The following PDE4B variants were observed in gnomAD, a reference collection of about 807,000 sequenced individuals.
PDE4B encodes the protein 3',5'-cyclic-AMP phosphodiesterase 4B.
In PDE4B, 20 loss-of-function variants were observed where a neutral mutation model predicts 82.2. The ratio of observed to expected loss-of-function variants is 0.24; its 90% CI spans 0.17 to 0.35. PDE4B has a LOEUF of 0.35. Among genes scored for constraint, PDE4B ranks in the 10% least tolerant of loss-of-function variants. The pLI is 1.00. For synonymous variants in PDE4B, 320 were observed against 318.9 expected (o/e 1.00, Z -0.04); for missense variants, 655 against 907.2 (o/e 0.72, Z 3.57).
At chr1:66,275,547 A>C (rs1201440121) in intron 7 of PDE4B, among the ~76,000 whole-genome samples, 2 of 152,196 alleles carry the variant, frequency 1.3e-5, no homozygotes, top group Non-Finnish European at 2.9e-5. Context: ...AGGAGGTTGG[A>C]GTTAGCCTAG....
chr1:66,291,014 A>G (rs1203832080), intron 7 of PDE4B, among the ~76,000 whole-genome samples: 1 of 152,116 alleles, frequency 6.6e-6, no homozygotes, highest in Non-Finnish European at 1.5e-5. Flanking sequence ...TCCTCTACCT[A>G]AGAAATCACC....
chr1:66,257,634 C>T lies in PDE4B; in HGVS notation c.477-13C>T, dbSNP rs368045418. On this transcript the variant is annotated splice_polypyrimidine_tract_variant and intron_variant, in intron 4 of 16. Coordinates refer to ENST00000341517, the MANE Select transcript of PDE4B (RefSeq NM_002600.4). ...GTAAATTTCTAAAGGTTCTTTTTTTCTCTTTTCACCAGACACGGCGATGAC... is the reference window on the plus strand; with the variant it reads ...GTAAATTTCTAAAGGTTCTTTTTTTTTCTTTTCACCAGACACGGCGATGAC... 224 of 1,610,788 alleles carry T rather than the reference C, an allele frequency of 1.4e-4. No individual in the cohort carries two copies. Among genetic ancestry groups the T allele is most frequent in the Non-Finnish European group, 1.9e-4 (220 of 1,177,886 alleles).
At chr1:65,997,074 A>G (rs1553130151) in intron 3 of PDE4B, among the ~76,000 whole-genome samples, 1 of 152,054 alleles carries the variant, frequency 6.6e-6, no homozygotes, top group Non-Finnish European at 1.5e-5. Flanking sequence ...TTTCATCATT[A>G]GCAACTTGAT....
chr1:66,270,344 A>G (rs915692968), intron 7 of PDE4B, among the ~76,000 whole-genome samples: 14 of 152,218 alleles, frequency 9.2e-5, no homozygotes, highest in Admixed American at 6.5e-4. Flanking sequence ...ATTTCTCCAT[A>G]CAGGTTCTGC....
At chr1:66,035,408 T>C (rs1161548564) in intron 3 of PDE4B, among the ~76,000 whole-genome samples, 1 of 152,148 alleles carries the variant, frequency 6.6e-6, no homozygotes, top group Non-Finnish European at 1.5e-5. Flanking sequence ...TCCTGTGCAA[T>C]GGAACACCAG....
intron 1 of PDE4B, among the ~76,000 whole-genome samples, chr1:65,887,988 C>T (rs4388681): frequency 0.68 from 103,734 of 151,934 alleles, 35,514 homozygotes; most frequent in East Asian, 0.73. Flanking sequence ...TTTTGTTGCC[C>T]GTGCTTTTGA....
chr1:65,924,077 A>ATT lies in PDE4B; in HGVS notation c.281+5256_281+5257dup, dbSNP rs71058436. Among the ~76,000 whole-genome samples, 233 of 40,794 alleles carry ATT rather than the reference A, an allele frequency of 5.7e-3. 67 individuals are homozygous for ATT. Among genetic ancestry groups the ATT allele is most frequent in the African/African-American group, 0.014 (218 of 15,176 alleles). The allele number at this position is 40,794 out of a possible 152,430, so 26.8% of individuals were successfully genotyped here. A position where few individuals can be genotyped will look rare whatever the true frequency, so the allele number is the denominator to read the frequency against. ...TTCTAATCTGCCTTCCAGTTTGCTA[A>ATT]TTTTTTTTTTTTTTTGAGACGGAGT... On this transcript the variant is annotated intron_variant, in intron 3 of 16. Transcript: ENST00000341517.
intron 3 of PDE4B, among the ~76,000 whole-genome samples, chr1:65,989,692 TC>T (rs1390542064): frequency 6.6e-6 from 1 of 152,134 alleles, no homozygotes; most frequent in African/African-American, 2.4e-5. Flanking sequence ...ATTAGTTCCT[TC>T]CTAGGCACCT....
Position 65,856,153 on chromosome 1 carries a change from T to C in PDE4B, c.-70-57092T>C, listed in dbSNP as rs1235746813. ...TGGATGACATTAATAATTGAAAGAT[T>C]TACTGGTGAACATGCAATCAATGTG... On this transcript the variant is annotated intron_variant, in intron 1 of 16. Transcript: ENST00000341517. Among the ~76,000 whole-genome samples, 3 of 152,286 alleles carry C rather than the reference T, an allele frequency of 2.0e-5. No homozygotes were observed. In the East Asian group the frequency reaches 5.8e-4, roughly 29 times the overall value.
At chr1:66,081,832 C>CTCTCTCTGTG (rs1280680569) in intron 3 of PDE4B, among the ~76,000 whole-genome samples, 3 of 125,120 alleles carry the variant, frequency 2.4e-5, no homozygotes, top group Admixed American at 7.8e-5. Flanking sequence ...CTCTCTCTCT[C>CTCTCTCTGTG]TGTGTGTGTG....
At chr1:65,961,275 T>G (rs1649529670) in intron 3 of PDE4B, among the ~76,000 whole-genome samples, 1 of 152,090 alleles carries the variant, frequency 6.6e-6, no homozygotes, top group African/African-American at 2.4e-5. Context: ...AAACCAGCCA[T>G]ACATCTGTCT....
At chr1:66,210,450 G>C (rs1649932653) in intron 3 of PDE4B, among the ~76,000 whole-genome samples, 1 of 151,820 alleles carries the variant, frequency 6.6e-6, no homozygotes, top group African/African-American at 2.4e-5. Context: ...ACAAAAATTA[G>C]TTGGGTGTGG....
intron 8 of PDE4B, among the ~76,000 whole-genome samples, chr1:66,345,131 C>T (rs373683929): frequency 2.6e-5 from 4 of 152,106 alleles, no homozygotes; most frequent in East Asian, 1.9e-4. Flanking sequence ...AACTGAGATT[C>T]GGGAAAGATA....
chr1:65,981,067 A>T (rs1650659185), intron 3 of PDE4B, among the ~76,000 whole-genome samples: 1 of 152,154 alleles, frequency 6.6e-6, no homozygotes, highest in Non-Finnish European at 1.5e-5. Context: ...TAAGTATCTG[A>T]CCTGGGAGGC....
intron 7 of PDE4B, among the ~76,000 whole-genome samples, chr1:66,329,722 T>C (rs1659976741): frequency 6.6e-6 from 1 of 152,186 alleles, no homozygotes; most frequent in South Asian, 2.1e-4. Flanking sequence ...CCTTTATAAC[T>C]TTATGAGATA....
intron 1 of PDE4B, among the ~76,000 whole-genome samples, chr1:65,889,889 A>G (rs926831509): frequency 9.2e-5 from 14 of 152,144 alleles, no homozygotes; most frequent in South Asian, 4.1e-4. Flanking sequence ...TAAATGTAAT[A>G]CACACTTCTT....
At chr1:65,936,686 G>A (rs1019773088) in intron 3 of PDE4B, among the ~76,000 whole-genome samples, 1 of 152,176 alleles carries the variant, frequency 6.6e-6, no homozygotes, top group Admixed American at 6.5e-5. Context: ...CCAGGTGATA[G>A]TTATGGTATT....
At chr1:66,211,236 G>T (rs1650025805) in intron 3 of PDE4B, among the ~76,000 whole-genome samples, 1 of 152,150 alleles carries the variant, frequency 6.6e-6, no homozygotes, top group African/African-American at 2.4e-5. Context: ...CACTATCCAG[G>T]TGCAACTTAT....
chr1:66,219,904 A>G (rs574747172), intron 3 of PDE4B, among the ~76,000 whole-genome samples: 1 of 152,260 alleles, frequency 6.6e-6, no homozygotes, highest in Admixed American at 6.5e-5. Context: ...GAGACAACAT[A>G]CTGTGTACAA....
Sources: gnomAD v4.1 joint callset for allele counts (sites outside exome capture counted in the v4.1 genomes callset) on GRCh38, gnomAD v4.1.1 for gene constraint, MANE v1.5 for transcripts, NCBI Gene and HGNC (gene_info 2026-07-23, HGNC 2026-07-21) for gene names.